The following ADCY2 variants were observed in gnomAD, a reference collection of about 807,000 sequenced individuals.
The protein encoded by ADCY2 is adenylate cyclase 2.
ADCY2 carries 31 observed loss-of-function variants against 125.2 expected under a neutral mutation model. The observed-to-expected ratio is 0.25, with a 90% CI of 0.19 to 0.33. The LOEUF is 0.33. Among genes scored for constraint, ADCY2 ranks in the 10% least tolerant of loss-of-function variants. The pLI is 1.00. For missense variants in ADCY2, 904 were observed against 1,418.2 expected (o/e 0.64, Z 5.82); for synonymous variants, 512 against 548.4 (o/e 0.93, Z 0.93).
intron 3 of ADCY2, among the ~76,000 whole-genome samples, chr5:7,528,376 A>G (rs142259608): frequency 6.6e-6 from 1 of 151,918 alleles, no homozygotes; most frequent in African/African-American, 2.4e-5. Flanking sequence ...CAAGAAAGTT[A>G]GAGACATGGA....
intron 20 of ADCY2, chr5:7,796,677 C>T (rs1384185686): frequency 6.6e-6 from 1 of 152,266 alleles, no homozygotes; most frequent in African/African-American, 2.4e-5. Context: ...TGAAGCTTCT[C>T]CATCAGCTGT....
intron 5 of ADCY2, among the ~76,000 whole-genome samples, chr5:7,693,529 C>T (rs1033590216): frequency 6.6e-6 from 1 of 151,280 alleles, no homozygotes; most frequent in Non-Finnish European, 1.5e-5. Context: ...AGCAATTCTC[C>T]TGCCTCAGCC....
chr5:7,568,429 G>A (rs993573636), intron 3 of ADCY2, among the ~76,000 whole-genome samples: 1 of 151,992 alleles, frequency 6.6e-6, no homozygotes, highest in East Asian at 1.9e-4. Flanking sequence ...CTGTTTGACA[G>A]CCCTTTTTTT....
At position 7,414,635 on chromosome 5, in the gene ADCY2, G is replaced by T. The variant is rs149944070; in HGVS notation, c.273G>T (p.Ala91=). The change falls in exon 2 of 25, where the codon GCG becomes GCT. Residue 91 remains alanine, a synonymous_variant. Coordinates refer to ENST00000338316, the MANE Select transcript of ADCY2 (RefSeq NM_020546.3). The part of the protein sequence containing the change: ...TVPTALAIFF[A]IFILVCIESV... Reference sequence around the variant, plus strand: ...CAACTGCCCTGGCGATTTTCTTTGCGATATTTATCCTGGTCTGCATCGAGT... The same window carrying T: ...CAACTGCCCTGGCGATTTTCTTTGCTATATTTATCCTGGTCTGCATCGAGT... 6 of 1,613,332 alleles carry T rather than the reference G, an allele frequency of 3.7e-6. No individual in the cohort carries two copies. Among genetic ancestry groups the T allele is most frequent in the Non-Finnish European group, 5.1e-6 (6 of 1,179,770 alleles).
intron 2 of ADCY2, among the ~76,000 whole-genome samples, chr5:7,520,077 C>T (rs1036253340): frequency 6.6e-6 from 1 of 152,018 alleles, no homozygotes; most frequent in Non-Finnish European, 1.5e-5. Flanking sequence ...GTGTTTCCAC[C>T]TTGGGGTTGT....
chr5:7,452,684 CTATTG>C (rs1741518577), intron 2 of ADCY2, among the ~76,000 whole-genome samples: 1 of 152,190 alleles, frequency 6.6e-6, no homozygotes, highest in Non-Finnish European at 1.5e-5. Context: ...ATATTGCTTT[CTATTG>C]AGGTTGTACT....
intron 1 of ADCY2, among the ~76,000 whole-genome samples, chr5:7,401,345 G>A (rs2111438460): frequency 6.6e-6 from 1 of 152,280 alleles, no homozygotes; most frequent in East Asian, 1.9e-4. Context: ...TCTCTTCAAG[G>A]TCATGCAACT....
intron 2 of ADCY2, among the ~76,000 whole-genome samples, chr5:7,431,247 T>C (rs890261414): frequency 3.3e-5 from 5 of 152,186 alleles, no homozygotes; most frequent in African/African-American, 9.7e-5. Context: ...CCCATGCCTA[T>C]GTGGTCAGTT....
At position 7,784,385 on chromosome 5, in the gene ADCY2, T is replaced by A; in HGVS notation, c.2405T>A (p.Leu802Gln). Residue 802 changes from leucine to glutamine, a missense_variant, in exon 19 of 25, where the codon CTG becomes CAG. By Grantham distance (113) the Leu-to-Gln change is moderately radical (BLOSUM62 -2). Coordinates refer to ENST00000338316, the MANE Select transcript of ADCY2 (RefSeq NM_020546.3). ...AATAGACCAGGCATTTGGAAAGACC[T>A]GAAGACCATGGGCTCTGTGTCTCTC... ...LFERPGIWKD[L>Q]KTMGSVSLSI... 6.2e-7 allele frequency: 1 copy of A among 1,614,012 alleles called. No homozygotes were observed. The highest frequency in any genetic ancestry group is 8.5e-7 in the Non-Finnish European group (1 of 1,179,918).
chr5:7,452,881 T>C (rs1396337155), intron 2 of ADCY2, among the ~76,000 whole-genome samples: 1 of 152,246 alleles, frequency 6.6e-6, no homozygotes, highest in Non-Finnish European at 1.5e-5. Context: ...CATATGTTTG[T>C]TAGCCATCTG....
chr5:7,757,638 C>T lies in ADCY2; in HGVS notation c.2094+52C>T, dbSNP rs185173729. 10 of 1,563,856 alleles carry T rather than the reference C, an allele frequency of 6.4e-6. No individual in the cohort carries two copies. In the African/African-American group the frequency reaches 8.2e-5, roughly 13 times the overall value. Reference sequence around the variant, plus strand: ...AACATGGTAAGCCCCAGAGCATGGCCGTGTTCAACATGGTAAGCCCCAGAC... The same window carrying T: ...AACATGGTAAGCCCCAGAGCATGGCTGTGTTCAACATGGTAAGCCCCAGAC... On this transcript the variant is annotated intron_variant, in intron 16 of 24. Coordinates refer to ENST00000338316, the MANE Select transcript of ADCY2 (RefSeq NM_020546.3).
chr5:7,558,705 T>A (rs1440875668), intron 3 of ADCY2, among the ~76,000 whole-genome samples: 1 of 152,226 alleles, frequency 6.6e-6, no homozygotes, highest in Non-Finnish European at 1.5e-5. Context: ...CATTTTTCAA[T>A]TTTTGCTTCT....
chr5:7,415,636 G>T (rs1050077566), intron 2 of ADCY2, among the ~76,000 whole-genome samples: 4 of 152,090 alleles, frequency 2.6e-5, no homozygotes, highest in Admixed American at 2.6e-4. Flanking sequence ...GCTATTGAAG[G>T]GGTGGCTTCG....
intron 3 of ADCY2, among the ~76,000 whole-genome samples, chr5:7,610,367 T>C (rs1270235378): frequency 2.0e-5 from 3 of 152,030 alleles, no homozygotes; most frequent in African/African-American, 7.2e-5. Context: ...GGATTCTCCA[T>C]AGGAGAAAGG....
chr5:7,508,031 G>A (rs185892271), intron 2 of ADCY2, among the ~76,000 whole-genome samples: 1 of 151,560 alleles, frequency 6.6e-6, no homozygotes, highest in Admixed American at 6.6e-5. Context: ...AGAGATATTT[G>A]TGTAATATTT....
chr5:7,498,313 A>G (rs1579505541), intron 2 of ADCY2, among the ~76,000 whole-genome samples: 1 of 142,012 alleles, frequency 7.0e-6, no homozygotes, highest in Non-Finnish European at 1.5e-5. Context: ...CAGTGGCACA[A>G]TCTTGGCTCA....
chr5:7,581,274 G>A (rs12657838), intron 3 of ADCY2, among the ~76,000 whole-genome samples: 39,111 of 151,598 alleles, frequency 0.26, 5,444 homozygotes, highest in East Asian at 0.44. Flanking sequence ...TACATGACAG[G>A]GATAGTATAT....
At position 7,665,828 on chromosome 5, in the gene ADCY2, C is replaced by CTTTTTTTTTTTT. The variant is rs70940750; in HGVS notation, c.721-24846_721-24835dup. Reference sequence around the variant, plus strand: ...TGTTTTGTTTTTTTTTAATTTAATTCTTTTTTTTTTTTTTTTTTTTTTTTT... The same window carrying CTTTTTTTTTTTT: ...TGTTTTGTTTTTTTTTAATTTAATTCTTTTTTTTTTTTTTTTTTTTTTTTTTTTTTTTTTTTT... On this transcript the variant is annotated intron_variant, in intron 4 of 24. Transcript: ENST00000338316. 7.8e-5 allele frequency among the ~76,000 whole-genome samples: 3 copies of CTTTTTTTTTTTT among 38,618 alleles called. 1 individual carries two copies. The highest frequency in any genetic ancestry group is 3.1e-4 in the African/African-American group (3 of 9,614). The allele number at this position is 38,618 out of a possible 152,430, so 25.3% of individuals were successfully genotyped here. A position where few individuals can be genotyped will look rare whatever the true frequency, so the allele number is the denominator to read the frequency against.
chr5:7,821,849 G>A (rs938194179), intron 24 of ADCY2, among the ~76,000 whole-genome samples: 7 of 152,316 alleles, frequency 4.6e-5, no homozygotes, highest in Middle Eastern at 3.4e-3. Context: ...TCAAGGCTGC[G>A]TTCAAGAATT....
Sources: allele counts gnomAD v4.1 joint callset (sites outside exome capture counted in the v4.1 genomes callset), GRCh38; gene constraint gnomAD v4.1.1; transcripts MANE v1.5; gene names NCBI Gene and HGNC (gene_info 2026-07-23, HGNC 2026-07-21).